DLG2: variants seen among roughly 807,000 people sequenced by gnomAD.
DLG2 encodes the protein discs large MAGUK scaffold protein 2, also known as disks large homolog 2.
A neutral mutation model predicts 132.5 loss-of-function variants in DLG2; 45 were observed. That is an observed-to-expected ratio of 0.34 (90% CI 0.27 to 0.44). The LOEUF (loss-of-function observed/expected upper bound fraction) is 0.44, where lower values mean the gene tolerates loss of function less well. Ranked by LOEUF, DLG2 falls within the 20% of genes least tolerant of loss-of-function variation. DLG2 has a pLI of 1.00. For missense variants in DLG2, 1,045 were observed against 1,196.9 expected (o/e 0.87, Z 1.87); for synonymous variants, 424 against 419.6 (o/e 1.01, Z -0.13).
intron 6 of DLG2, among the ~76,000 whole-genome samples, chr11:85,032,725 T>C (rs2061119447): frequency 6.6e-6 from 1 of 152,140 alleles, no homozygotes. Context: ...GGTTTAAAAG[T>C]GTGTTTAGAG....
At position 85,199,171 on chromosome 11, in the gene DLG2, A is replaced by C. The variant is rs184991697; in HGVS notation, c.187-44520T>G. The stretch of plus-strand genomic sequence containing the variant: ...AAATCAGTGAATAACTCTTCAATAG[A>C]TCAAGTTGTGATATATTTATATAAT... On this transcript the variant is annotated intron_variant, in intron 4 of 27. Transcript: ENST00000376104. 1.5e-3 allele frequency among the ~76,000 whole-genome samples: 224 copies of C among 152,330 alleles called. 1 individual carries two copies. The highest frequency in any genetic ancestry group is 5.2e-3 in the African/African-American group (216 of 41,570).
At chr11:83,487,413 T>C (rs2093588668) in intron 21 of DLG2, among the ~76,000 whole-genome samples, 1 of 152,080 alleles carries the variant, frequency 6.6e-6, no homozygotes, top group South Asian at 2.1e-4. Flanking sequence ...TTCATGAAGT[T>C]AGTACCATCA....
intron 5 of DLG2, among the ~76,000 whole-genome samples, chr11:85,114,848 T>A (rs1332600173): frequency 6.6e-6 from 1 of 151,894 alleles, no homozygotes; most frequent in Non-Finnish European, 1.5e-5. Context: ...TTTTTGTGTA[T>A]CAGGGGCTTA....
intron 4 of DLG2, among the ~76,000 whole-genome samples, chr11:85,204,421 A>C (rs2081713487): frequency 1.3e-5 from 2 of 152,142 alleles, no homozygotes; most frequent in South Asian, 4.1e-4. Context: ...CCAAGAAGGC[A>C]ATCCCATTAA....
intron 3 of DLG2, among the ~76,000 whole-genome samples, chr11:85,586,448 T>G (rs1456244331): frequency 6.6e-6 from 1 of 152,216 alleles, no homozygotes; most frequent in Non-Finnish European, 1.5e-5. Context: ...GTTGTATATT[T>G]CTTGGAATTT....
intron 6 of DLG2, among the ~76,000 whole-genome samples, chr11:84,575,422 GA>G (rs1398954593): frequency 6.6e-6 from 1 of 151,900 alleles, no homozygotes; most frequent in Admixed American, 6.6e-5. Flanking sequence ...TTCCAACATG[GA>G]TCCTTCTAGG....
At chr11:85,457,563 T>C (rs1002241853) in intron 3 of DLG2, among the ~76,000 whole-genome samples, 2 of 152,220 alleles carry the variant, frequency 1.3e-5, no homozygotes, top group African/African-American at 4.8e-5. Context: ...CATGTTTTTG[T>C]AGTGGCTGGT....
chr11:85,234,051 T>A (rs374114484), intron 4 of DLG2, among the ~76,000 whole-genome samples: 15 of 151,918 alleles, frequency 9.9e-5, no homozygotes, highest in Admixed American at 2.0e-4. Flanking sequence ...TCCACTGTGC[T>A]GGGTAATGAG....
rs532221293 is a variant in DLG2 at position 84,985,601 on chromosome 11, C to A, written c.357+126060G>T. On this transcript the variant is annotated intron_variant, in intron 6 of 27. Coordinates refer to ENST00000376104, the MANE Select transcript of DLG2 (RefSeq NM_001142699.3). ...AAACATGAACAAACCAAACACAAAC[C>A]CAGCAGAAGAAAGGAAATAACCAAG... Among the ~76,000 whole-genome samples, 234 of 152,076 alleles carry A rather than the reference C, an allele frequency of 1.5e-3. 1 individual carries two copies. Among genetic ancestry groups the A allele is most frequent in the African/African-American group, 5.2e-3 (215 of 41,482 alleles).
At chr11:83,744,121 G>A (rs1197326735) in intron 18 of DLG2, among the ~76,000 whole-genome samples, 1 of 152,154 alleles carries the variant, frequency 6.6e-6, no homozygotes, top group African/African-American at 2.4e-5. Context: ...AGCTTATCCA[G>A]AATTGAATGT....
chr11:84,335,791 G>T (rs1448787410), intron 7 of DLG2, among the ~76,000 whole-genome samples: 2 of 152,066 alleles, frequency 1.3e-5, no homozygotes, highest in Non-Finnish European at 2.9e-5. Flanking sequence ...ATAGTTGTAA[G>T]AATTAAATTA....
intron 18 of DLG2, among the ~76,000 whole-genome samples, chr11:83,711,431 T>C (rs2085391251): frequency 6.6e-6 from 1 of 152,208 alleles, no homozygotes; most frequent in African/African-American, 2.4e-5. Context: ...CATCTGTGAC[T>C]TGACGTCAAG....
At chr11:83,627,190 T>C (rs902463974) in intron 19 of DLG2, among the ~76,000 whole-genome samples, 9 of 151,872 alleles carry the variant, frequency 5.9e-5, no homozygotes, top group African/African-American at 1.9e-4. Flanking sequence ...ATTTTATTTA[T>C]TTTTTATTTA....
intron 18 of DLG2, among the ~76,000 whole-genome samples, chr11:83,758,302 A>G (rs1340407955): frequency 6.6e-6 from 1 of 151,740 alleles, no homozygotes; most frequent in Non-Finnish European, 1.5e-5. Context: ...TTTCCACATC[A>G]CATCCAATTA....
intron 3 of DLG2, among the ~76,000 whole-genome samples, chr11:85,437,638 C>T (rs942022268): frequency 2.6e-5 from 4 of 152,038 alleles, no homozygotes; most frequent in African/African-American, 7.2e-5. Context: ...TTATTAATTT[C>T]TTTACATAAG....
At chr11:85,332,802 C>T (rs995768936) in intron 3 of DLG2, among the ~76,000 whole-genome samples, 2 of 152,024 alleles carry the variant, frequency 1.3e-5, no homozygotes, top group African/African-American at 4.8e-5. Context: ...CTAACTTGCT[C>T]CATTGGTCTG....
At chr11:84,088,116 C>A (rs1248676090) in intron 10 of DLG2, among the ~76,000 whole-genome samples, 1 of 152,100 alleles carries the variant, frequency 6.6e-6, no homozygotes, top group East Asian at 1.9e-4. Context: ...TTTGAAAGCA[C>A]AAAGTTTTTA....
At chr11:84,622,171 T>A (rs143403200) in intron 6 of DLG2, among the ~76,000 whole-genome samples, 4 of 152,270 alleles carry the variant, frequency 2.6e-5, no homozygotes, top group Admixed American at 2.6e-4. Context: ...AAACCTAGCA[T>A]GATTAAGGGA....
At chr11:85,607,577 A>G (rs1203842443) in intron 2 of DLG2, among the ~76,000 whole-genome samples, 4 of 151,544 alleles carry the variant, frequency 2.6e-5, no homozygotes, top group Non-Finnish European at 5.9e-5. Context: ...TCCTATAAGA[A>G]TGATTTCTAG....
Sources: gnomAD v4.1 joint callset for allele counts (sites outside exome capture counted in the v4.1 genomes callset) on GRCh38, gnomAD v4.1.1 for gene constraint, MANE v1.5 for transcripts, NCBI Gene and HGNC (gene_info 2026-07-23, HGNC 2026-07-21) for gene names.